The following NRCAM variants were observed in gnomAD, a reference collection of about 807,000 sequenced individuals.
The protein encoded by NRCAM is neuronal cell adhesion molecule, also known as NgCAM-related cell adhesion molecule.
A neutral mutation model predicts 156.5 loss-of-function variants in NRCAM; 83 were observed. The observed-to-expected ratio is 0.53, with a 90% CI of 0.44 to 0.64. The LOEUF (loss-of-function observed/expected upper bound fraction) is 0.64. Ranked by LOEUF, NRCAM falls within the 30% of genes least tolerant of loss-of-function variation. NRCAM has a pLI of 0.00. For synonymous variants in NRCAM, 538 were observed against 563.9 expected, an observed-to-expected ratio of 0.95 and a Z score of 0.65; for missense variants, 1,417 against 1,597.3, an observed-to-expected ratio of 0.89 and a Z score of 1.92.
intron 22 of NRCAM, among the ~76,000 whole-genome samples, chr7:108,183,200 T>C (rs1310300337): frequency 3.3e-5 from 5 of 152,234 alleles, no homozygotes; most frequent in Non-Finnish European, 7.3e-5. Flanking sequence ...TCAAGGATGG[T>C]GATTCTTTAG....
chr7:108,221,844 C>T (rs2092395879), intron 11 of NRCAM, among the ~76,000 whole-genome samples: 1 of 151,856 alleles, frequency 6.6e-6, no homozygotes, highest in Admixed American at 6.6e-5. Context: ...CCAAACACCA[C>T]CTGTACCCCA....
intron 2 of NRCAM, among the ~76,000 whole-genome samples, chr7:108,393,271 G>A (rs376153571): frequency 6.6e-6 from 1 of 152,032 alleles, no homozygotes; most frequent in Non-Finnish European, 1.5e-5. Flanking sequence ...AATGGTGGGC[G>A]CCCCTCCCCC....
At chr7:108,325,659 T>C (rs1003881062) in intron 2 of NRCAM, among the ~76,000 whole-genome samples, 1 of 152,148 alleles carries the variant, frequency 6.6e-6, no homozygotes, top group Admixed American at 6.6e-5. Flanking sequence ...TTACTACATG[T>C]CTTATTGATT....
Position 108,165,084 on chromosome 7 carries a change from C to T in NRCAM, c.3466+1837G>A, listed in dbSNP as rs78064812. Among the ~76,000 whole-genome samples the T allele has an allele frequency of 3.8e-4, 58 of 152,296 alleles. No individual in the cohort carries two copies. In the East Asian group the frequency reaches 9.3e-3, roughly 24 times the overall value. On this transcript the variant is annotated intron_variant, in intron 30 of 32. Transcript: ENST00000379028. ...ATTTTAACAACAGGTCATTTTTATACATAGTAGATTCTTCATAAATAATCC... is the reference window on the plus strand; with the variant it reads ...ATTTTAACAACAGGTCATTTTTATATATAGTAGATTCTTCATAAATAATCC...
Position 108,209,459 on chromosome 7 carries a change from A to G in NRCAM, c.1037T>C (p.Leu346Ser). ...GNYQCIAKNA[L>S]GAIHHTISVR... ...AGAAATGGTATGGTGGATGGCTCCT[A>G]ATGCGTTTTTTGCTATACATTGGTA... is the stretch of plus-strand genomic sequence containing the variant. Residue 346 changes from leucine to serine, a missense_variant, in exon 12 of 33, where the codon TTA becomes TCA. Coordinates refer to ENST00000379028, the MANE Select transcript of NRCAM (RefSeq NM_001037132.4). The G allele has an allele frequency of 6.2e-7, 1 of 1,608,780 alleles. No homozygotes were observed.
In NRCAM at chr7:108,208,278, C is replaced by T. The variant is rs183584383; in HGVS notation, c.1076-619G>A. 3.3e-5 allele frequency among the ~76,000 whole-genome samples: 5 copies of T among 152,102 alleles called. No individual in the cohort carries two copies. The East Asian group carries it at 9.7e-4, about 29-fold the overall frequency. On this transcript the variant is annotated intron_variant, in intron 12 of 32. Coordinates refer to ENST00000379028, the MANE Select transcript of NRCAM (RefSeq NM_001037132.4). ...CCAAGATAGCCCATTACACTCCAGC[C>T]TGGGCAACAGAGCGAGACTCCAACT...
intron 2 of NRCAM, among the ~76,000 whole-genome samples, chr7:108,399,070 G>A (rs2099784682): frequency 6.6e-6 from 1 of 152,046 alleles, no homozygotes; most frequent in Non-Finnish European, 1.5e-5. Context: ...AACCCAAGAA[G>A]GTAGGGTAAG....
intron 3 of NRCAM, among the ~76,000 whole-genome samples, chr7:108,267,411 T>C (rs1248585306): frequency 2.6e-5 from 4 of 152,204 alleles, no homozygotes; most frequent in African/African-American, 7.2e-5. Context: ...CCACACACTT[T>C]CGGTCAGGGT....
intron 2 of NRCAM, among the ~76,000 whole-genome samples, chr7:108,338,107 C>A (rs551648891): frequency 1.3e-5 from 2 of 152,154 alleles, no homozygotes; most frequent in Admixed American, 1.3e-4. Flanking sequence ...AGCCAAGGGC[C>A]GACTAGAGGC....
At chr7:108,296,623 T>A (rs2098459212) in intron 3 of NRCAM, among the ~76,000 whole-genome samples, 2 of 152,152 alleles carry the variant, frequency 1.3e-5, no homozygotes, top group Admixed American at 6.5e-5. Context: ...TACCCTGATA[T>A]CAAATATGAA....
intron 32 of NRCAM, among the ~76,000 whole-genome samples, chr7:108,152,616 T>C (rs868086260): frequency 2.0e-4 from 30 of 152,154 alleles, no homozygotes; most frequent in African/African-American, 6.8e-4. Context: ...GAGAATAGCC[T>C]ACCTTAGAGG....
chr7:108,393,370 G>A (rs998520375), intron 2 of NRCAM, among the ~76,000 whole-genome samples: 10 of 152,152 alleles, frequency 6.6e-5, no homozygotes, highest in African/African-American at 2.4e-4. Flanking sequence ...CGAGCCAGGT[G>A]CCAGATATAA....
At chr7:108,321,240 T>G (rs2098997562) in intron 2 of NRCAM, among the ~76,000 whole-genome samples, 2 of 152,238 alleles carry the variant, frequency 1.3e-5, no homozygotes, top group South Asian at 2.1e-4. Flanking sequence ...TATTATAACC[T>G]ACTGTGTTAT....
At chr7:108,184,142 G>A (rs2065247843) in intron 22 of NRCAM, 99 bp downstream of exon 22, 1 of 754,960 alleles carries the variant, frequency 1.3e-6, no homozygotes, top group Non-Finnish European at 2.1e-6. Flanking sequence ...TTTTTCCCCA[G>A]AAATAGGTGA....
chr7:108,240,100 T>A lies in NRCAM; in HGVS notation c.-36A>T, dbSNP rs1253294160. The A allele has an allele frequency of 1.4e-6, 2 of 1,424,460 alleles. No homozygotes were observed. Among genetic ancestry groups the A allele is most frequent in the Admixed American group, 3.6e-5 (2 of 54,876 alleles). The allele number at this position is 1,424,460 out of a possible 1,614,324, so 88.2% of individuals were successfully genotyped here. A position where few individuals can be genotyped will look rare whatever the true frequency, so the allele number is the denominator to read the frequency against. On this transcript the variant is annotated 5_prime_UTR_variant, in exon 4 of 33. Coordinates refer to ENST00000379028, the MANE Select transcript of NRCAM (RefSeq NM_001037132.4). Reference sequence around the variant, plus strand: ...CCTGCTGAGACTCACACACTGAATTTCCTTTTCTTCTTTCACAAAAGATTT... The same window carrying A: ...CCTGCTGAGACTCACACACTGAATTACCTTTTCTTCTTTCACAAAAGATTT...
chr7:108,168,122 C>A (rs2055984711), intron 29 of NRCAM, among the ~76,000 whole-genome samples, 155 bp downstream of exon 29: 1 of 152,110 alleles, frequency 6.6e-6, no homozygotes, highest in Admixed American at 6.5e-5. Flanking sequence ...ATGTGGTAGG[C>A]TGATGGTTCA....
chr7:108,240,189 G>T lies in NRCAM; in HGVS notation c.-106-19C>A. On this transcript the variant is annotated intron_variant, in intron 3 of 32. Transcript: ENST00000379028. ...CGGGAAACTGAAAAAGGATAGAGTA[G>T]GAATAATAATTATAATGTATTAAAA... is the stretch of plus-strand genomic sequence containing the variant. The T allele has an allele frequency of 1.6e-6, 1 of 607,244 alleles. No homozygotes were observed. Among genetic ancestry groups the T allele is most frequent in the Non-Finnish European group, 2.9e-6 (1 of 343,310 alleles). The allele number at this position is 607,244 out of a possible 1,614,324, so 37.6% of individuals were successfully genotyped here. A position where few individuals can be genotyped will look rare whatever the true frequency, so the allele number is the denominator to read the frequency against.
At chr7:108,349,273 CTT>C (rs1334000460) in intron 2 of NRCAM, among the ~76,000 whole-genome samples, 2 of 144,296 alleles carry the variant, frequency 1.4e-5, no homozygotes, top group Non-Finnish European at 1.5e-5. Context: ...GTTATGAACT[CTT>C]TTTTTTTTTT....
At chr7:108,415,052 A>G (rs1269825231) in intron 1 of NRCAM, among the ~76,000 whole-genome samples, 1 of 152,140 alleles carries the variant, frequency 6.6e-6, no homozygotes, top group Non-Finnish European at 1.5e-5. Flanking sequence ...GAAAAAGAAA[A>G]AAAATACTCC....
Sources: gnomAD v4.1 joint callset for allele counts (sites outside exome capture counted in the v4.1 genomes callset) on GRCh38, gnomAD v4.1.1 for gene constraint, MANE v1.5 for transcripts, NCBI Gene and HGNC (gene_info 2026-07-23, HGNC 2026-07-21) for gene names.